CNTN1: variants seen among roughly 807,000 people sequenced by gnomAD.
CNTN1 encodes the protein contactin-1.
In CNTN1, 38 loss-of-function variants were observed where a neutral mutation model predicts 126.4. That is an observed-to-expected ratio of 0.30 (90% confidence interval 0.23 to 0.39). CNTN1 has a LOEUF of 0.39. Ranked by LOEUF, CNTN1 falls within the 10% of genes least tolerant of loss-of-function variation. The pLI is 1.00. For missense variants in CNTN1, 1,009 were observed against 1,248.4 expected (o/e 0.81, Z 2.89); for synonymous variants, 413 against 422.6 (o/e 0.98, Z 0.28).
chr12:40,871,184 GA>G (rs1943476145), intron 1 of CNTN1, among the ~76,000 whole-genome samples: 1 of 65,734 alleles, frequency 1.5e-5, no homozygotes, highest in African/African-American at 6.0e-5. Context: ...ATCTGTTACA[GA>G]GAAAAAAAAA....
intron 1 of CNTN1, among the ~76,000 whole-genome samples, chr12:40,828,706 C>T (rs1294578934): frequency 6.6e-6 from 1 of 152,090 alleles, no homozygotes; most frequent in African/African-American, 2.4e-5. Context: ...TGGGTAGACA[C>T]CAGAAATGCT....
chr12:40,936,066 T>C (rs962456026), intron 9 of CNTN1, among the ~76,000 whole-genome samples: 3 of 152,112 alleles, frequency 2.0e-5, no homozygotes, highest in Non-Finnish European at 2.9e-5. Flanking sequence ...ACTGAAATAA[T>C]CAAAAAGACT....
chr12:40,857,797 C>A (rs986814410), intron 1 of CNTN1, among the ~76,000 whole-genome samples: 1 of 152,084 alleles, frequency 6.6e-6, no homozygotes, highest in South Asian at 2.1e-4. Context: ...CAGAGATAGC[C>A]CAGGCCCTAA....
At chr12:41,045,016 T>C (rs1949510207) in intron 23 of CNTN1, among the ~76,000 whole-genome samples, 1 of 152,076 alleles carries the variant, frequency 6.6e-6, no homozygotes, top group South Asian at 2.1e-4. Context: ...ATGATTTATA[T>C]GAAGAATTTT....
In CNTN1 at chr12:40,709,405, G is replaced by A. The variant is rs142156707; in HGVS notation, c.-77+16813G>A. On this transcript the variant is annotated intron_variant, in intron 1 of 23. Transcript: ENST00000551295. ...AGAGCACAGGCAGAGTAGAGTTAGC[G>A]TAATTCTTAAGTGCCCTAGAATTTT... Among the ~76,000 whole-genome samples, 1,098 of 152,258 alleles carry A rather than the reference G, an allele frequency of 7.2e-3. 12 individuals are homozygous for A. Among genetic ancestry groups the A allele is most frequent in the Non-Finnish European group, 0.01 (712 of 68,008 alleles).
intron 18 of CNTN1, among the ~76,000 whole-genome samples, chr12:41,014,758 T>C (rs745977247): frequency 2.0e-5 from 3 of 152,198 alleles, no homozygotes; most frequent in Non-Finnish European, 2.9e-5. Context: ...AAGTCACCCA[T>C]GGGACTAGTT....
chr12:41,070,206 C>T lies in CNTN1; in HGVS notation c.*171C>T, dbSNP rs417855. On this transcript the variant is annotated 3_prime_UTR_variant, in exon 24 of 24. Coordinates refer to ENST00000551295, the MANE Select transcript of CNTN1 (RefSeq NM_001843.4). ...ACATGATGACTGAGGCATTCGGGAACCCCTTCATCCAAAAGAATAAACTTT... is the reference window on the plus strand; with the variant it reads ...ACATGATGACTGAGGCATTCGGGAATCCCTTCATCCAAAAGAATAAACTTT... 3 of 653,614 alleles carry T rather than the reference C, an allele frequency of 4.6e-6. No homozygotes were observed. Among genetic ancestry groups the T allele is most frequent in the African/African-American group, 1.8e-5 (1 of 55,172 alleles). The allele number at this position is 653,614 out of a possible 1,614,324, so 40.5% of individuals were successfully genotyped here.
chr12:41,059,332 A>T (rs1406715067), intron 23 of CNTN1, among the ~76,000 whole-genome samples: 1 of 152,196 alleles, frequency 6.6e-6, no homozygotes, highest in Non-Finnish European at 1.5e-5. Flanking sequence ...GAAAGTTTCC[A>T]GGGTAGTTCT....
At chr12:40,978,731 A>G (rs1253690401) in intron 15 of CNTN1, 3 of 152,146 alleles carry the variant, frequency 2.0e-5, no homozygotes, top group African/African-American at 7.2e-5. Flanking sequence ...CCTTTATGAA[A>G]TATTACTCAT....
In CNTN1 at chr12:40,872,212, T is replaced by TGTG. The variant is rs1943525526; in HGVS notation, c.-76-36145_-76-36144insGTG. ...CGGTAGGGTTTTTCCGTTGCTTTGT[T>TGTG]TGTGTGTGTGTGTGTGTGTGTGTGT... On this transcript the variant is annotated intron_variant, in intron 1 of 23. Transcript: ENST00000551295. Among the ~76,000 whole-genome samples the TGTG allele has an allele frequency of 6.0e-3, 678 of 113,582 alleles. 6 individuals carry two copies. The highest frequency in any genetic ancestry group is 0.022 in the African/African-American group (618 of 27,690). 74.5% of individuals were successfully genotyped at this position (113,582 alleles called of 152,430 possible). A position where few individuals can be genotyped will look rare whatever the true frequency, so the allele number is the denominator to read the frequency against.
chr12:41,069,926 A>G, intron 23 of CNTN1, 33 bp from the exon 24 acceptor site: 1 of 1,570,406 alleles, frequency 6.4e-7, no homozygotes, highest in Non-Finnish European at 8.8e-7. Flanking sequence ...TGTATCAATG[A>G]AATAATATGC....
chr12:41,043,989 G>C (rs1382918766), intron 23 of CNTN1, among the ~76,000 whole-genome samples: 1 of 120,144 alleles, frequency 8.3e-6, no homozygotes, highest in African/African-American at 3.2e-5. Context: ...TCACACTCTG[G>C]GGACTGTTGT....
At chr12:40,940,818 G>C (rs909506394) in intron 12 of CNTN1, among the ~76,000 whole-genome samples, 1 of 152,104 alleles carries the variant, frequency 6.6e-6, no homozygotes, top group East Asian at 1.9e-4. Flanking sequence ...ACTACAAGAA[G>C]GGTTAAAGGA....
At chr12:40,823,672 C>T (rs1941519704) in intron 1 of CNTN1, among the ~76,000 whole-genome samples, 1 of 151,860 alleles carries the variant, frequency 6.6e-6, no homozygotes, top group African/African-American at 2.4e-5. Flanking sequence ...CTTTATTTTC[C>T]ATCTTCTTTT....
intron 23 of CNTN1, among the ~76,000 whole-genome samples, chr12:41,054,436 G>T (rs1373866522): frequency 6.6e-6 from 1 of 151,886 alleles, no homozygotes; most frequent in Non-Finnish European, 1.5e-5. Flanking sequence ...TTATACACAA[G>T]ATGAAAAATC....
chr12:40,993,665 G>T (rs1174202510), intron 17 of CNTN1, among the ~76,000 whole-genome samples: 1 of 152,060 alleles, frequency 6.6e-6, no homozygotes, highest in Non-Finnish European at 1.5e-5. Flanking sequence ...GATTTAGAAG[G>T]TTCATAATTC....
intron 1 of CNTN1, among the ~76,000 whole-genome samples, chr12:40,810,245 CAAAT>C (rs1216466646): frequency 1.3e-5 from 2 of 152,074 alleles, no homozygotes; most frequent in East Asian, 3.9e-4. Context: ...GTATACTTGA[CAAAT>C]AAAAATTTTA....
intron 1 of CNTN1, among the ~76,000 whole-genome samples, chr12:40,702,029 A>G (rs2121114450): frequency 6.6e-6 from 1 of 152,208 alleles, no homozygotes; most frequent in African/African-American, 2.4e-5. Context: ...GACTAATAAG[A>G]CTGTAGAATA....
chr12:40,705,490 T>C (rs1460732473), intron 1 of CNTN1, among the ~76,000 whole-genome samples: 1 of 152,144 alleles, frequency 6.6e-6, no homozygotes, highest in Non-Finnish European at 1.5e-5. Context: ...TTTTTTTCAA[T>C]GTTTAATAAT....
Sources: allele counts gnomAD v4.1 joint callset (sites outside exome capture counted in the v4.1 genomes callset), GRCh38; gene constraint gnomAD v4.1.1; transcripts MANE v1.5; gene names NCBI Gene and HGNC (gene_info 2026-07-23, HGNC 2026-07-21).